ZNF154: variants seen among roughly 807,000 people sequenced by gnomAD.
The protein encoded by ZNF154 is zinc finger protein 154 (pHZ-92).
In ZNF154, 6 loss-of-function variants were observed where a neutral mutation model predicts 7.5. That is an observed-to-expected ratio of 0.80 (90% CI 0.44 to 1.57). The LOEUF (loss-of-function observed/expected upper bound fraction) is 1.57, where lower values mean the gene tolerates loss of function less well. ZNF154 is among the 40% of genes most tolerant of loss of function. ZNF154 has a pLI of 0.01. For synonymous variants in ZNF154, 187 were observed against 185.9 expected (o/e 1.01, Z -0.05); for missense variants, 485 against 531.4 (o/e 0.91, Z 0.86).
intron 2 of ZNF154, among the ~76,000 whole-genome samples, chr19:57,704,190 G>C (rs571271934): frequency 1.3e-5 from 2 of 152,306 alleles, no homozygotes; most frequent in African/African-American, 4.8e-5. Flanking sequence ...TCAGCAAAAT[G>C]TCAAGAATGG....
intron 1 of ZNF154, among the ~76,000 whole-genome samples, 166 bp from the exon 2 acceptor site, chr19:57,705,145 G>A (rs537143621): frequency 2.0e-5 from 3 of 152,286 alleles, no homozygotes; most frequent in East Asian, 1.9e-4. Flanking sequence ...GCCTGGCATG[G>A]AAGGATCCAT....
Position 57,699,558 on chromosome 19 carries a change from G to A in ZNF154, c.*2077C>T. 1 of 258,918 alleles carries A rather than the reference G, an allele frequency of 3.9e-6. No individual in the cohort carries two copies. The highest frequency in any genetic ancestry group is 4.0e-5 in the South Asian group (1 of 24,730). 16.0% of individuals were successfully genotyped at this position (258,918 alleles called of 1,614,324 possible). A position where few individuals can be genotyped will look rare whatever the true frequency, so the allele number is the denominator to read the frequency against. Reference sequence around the variant, plus strand: ...AAGTAGTGGCCAGCCACTGGAAGTTGACAATGACCAATTGAGAGCAATATT... The same window carrying A: ...AAGTAGTGGCCAGCCACTGGAAGTTAACAATGACCAATTGAGAGCAATATT... On this transcript the variant is annotated 3_prime_UTR_variant, in exon 3 of 3. Transcript: ENST00000684351.
chr19:57,705,390 C>G (rs1044788877), intron 1 of ZNF154, among the ~76,000 whole-genome samples: 1 of 152,150 alleles, frequency 6.6e-6, no homozygotes, highest in Non-Finnish European at 1.5e-5. Context: ...TCCTCTTTAC[C>G]CCATTAGCGA....
chr19:57,705,571 T>C (rs1022044332), intron 1 of ZNF154, among the ~76,000 whole-genome samples: 14 of 152,116 alleles, frequency 9.2e-5, no homozygotes, highest in Admixed American at 9.2e-4. Flanking sequence ...CTGACCAATA[T>C]GGCGAAACCC....
At chr19:57,704,122 A>G (rs1461904113) in intron 2 of ZNF154, among the ~76,000 whole-genome samples, 1 of 152,238 alleles carries the variant, frequency 6.6e-6, no homozygotes, top group East Asian at 1.9e-4. Flanking sequence ...CAGAGATGTG[A>G]GGATTAGCCC....
intron 2 of ZNF154, among the ~76,000 whole-genome samples, chr19:57,704,258 A>G (rs947471993): frequency 6.6e-6 from 1 of 152,166 alleles, no homozygotes; most frequent in Non-Finnish European, 1.5e-5. Flanking sequence ...ATGCTCGCCA[A>G]ACAGAACAGG....
In ZNF154 at chr19:57,705,112, A is replaced by G. The variant is rs1985334285; in HGVS notation, c.34-133T>C. The G allele has an allele frequency of 3.2e-6, 4 of 1,252,926 alleles. No homozygotes were observed. The Admixed American group carries it at 1.0e-4, about 32-fold the overall frequency. The allele number at this position is 1,252,926 out of a possible 1,614,324, so 77.6% of individuals were successfully genotyped here. On this transcript the variant is annotated intron_variant, in intron 1 of 2. Transcript: ENST00000684351. ...ACTGAGAGGAGAAACCAGCACATGGATAAATAGGCATCTAAGCTGGGGGCC... is the reference window on the plus strand; with the variant it reads ...ACTGAGAGGAGAAACCAGCACATGGGTAAATAGGCATCTAAGCTGGGGGCC...
In ZNF154 at chr19:57,696,694, A is replaced by C. The variant is rs1984908265; in HGVS notation, c.*4941T>G. Among the ~76,000 whole-genome samples, 1 of 152,166 alleles carries C rather than the reference A, an allele frequency of 6.6e-6. No individual in the cohort carries two copies. Among genetic ancestry groups the C allele is most frequent in the Non-Finnish European group, 1.5e-5 (1 of 68,022 alleles). ...GGTGCAGCCTCCAAGTAGGGAATGG[A>C]CAGTTTCAGTGTTGAGGCAGAGTGG... On this transcript the variant is annotated 3_prime_UTR_variant, in exon 3 of 3. Transcript: ENST00000684351.
intron 1 of ZNF154, among the ~76,000 whole-genome samples, chr19:57,707,270 T>C (rs903350987): frequency 2.1e-4 from 32 of 152,162 alleles, no homozygotes; most frequent in African/African-American, 7.2e-4. Flanking sequence ...TAATGCCTAC[T>C]TAATGTCTCT....
Position 57,699,367 on chromosome 19 carries a change from TG to T in ZNF154, c.*2267del. 4.6e-6 allele frequency: 1 copy of T among 215,054 alleles called. No individual in the cohort carries two copies. Among genetic ancestry groups the T allele is most frequent in the Non-Finnish European group, 1.0e-5 (1 of 100,156 alleles). 13.3% of individuals were successfully genotyped at this position (215,054 alleles called of 1,614,324 possible). A position where few individuals can be genotyped will look rare whatever the true frequency, so the allele number is the denominator to read the frequency against. On this transcript the variant is annotated 3_prime_UTR_variant, in exon 3 of 3. Transcript: ENST00000684351. ...TCCCAAAGTGCTGGGATTACAGGCG[TG>T]AGCCACCGCACCCGGCTGAGATTTT...
Position 57,702,271 on chromosome 19 carries a change from A to G in ZNF154, c.678T>C (p.Phe226=), listed in dbSNP as rs1262413343. 1 of 1,614,132 alleles carries G rather than the reference A, an allele frequency of 6.2e-7. No individual in the cohort carries two copies. Among genetic ancestry groups the G allele is most frequent in the Non-Finnish European group, 8.5e-7 (1 of 1,180,022 alleles). Residue 226 remains phenylalanine (F), a synonymous_variant, in exon 3 of 3, where the codon TTT becomes TTC. Coordinates refer to ENST00000684351, the MANE Select transcript of ZNF154 (RefSeq NM_001085384.3). ...PHECDECGKL[F]SNKSNLIKHR... ...GTTTAATGAGGTTAGACTTGTTGCT[A>G]AATAATTTTCCACATTCATCACATT...
In ZNF154 at chr19:57,700,969, C is replaced by A. The variant is rs1034117104; in HGVS notation, c.*666G>T. ...TATAGAACCCCCAAGATTAATAAGGCCTTTGTTATTGTACAAACCAAGGCA... is the reference window on the plus strand; with the variant it reads ...TATAGAACCCCCAAGATTAATAAGGACTTTGTTATTGTACAAACCAAGGCA... On this transcript the variant is annotated 3_prime_UTR_variant, in exon 3 of 3. Coordinates refer to ENST00000684351, the MANE Select transcript of ZNF154 (RefSeq NM_001085384.3). The A allele has an allele frequency of 6.6e-6, 1 of 152,392 alleles. No individual in the cohort carries two copies. The highest frequency in any genetic ancestry group is 1.5e-5 in the Non-Finnish European group (1 of 68,260). The allele number at this position is 152,392 out of a possible 1,614,324, so 9.4% of individuals were successfully genotyped here.
rs773256049 is a variant in ZNF154, at chr19:57,698,465, A to G, written c.*3170T>C. The G allele has an allele frequency of 2.6e-5, 4 of 152,098 alleles. No individual in the cohort carries two copies. The highest frequency in any genetic ancestry group is 2.1e-4 in the South Asian group (1 of 4,824). The allele number at this position is 152,098 out of a possible 1,614,324, so 9.4% of individuals were successfully genotyped here. A position where few individuals can be genotyped will look rare whatever the true frequency, so the allele number is the denominator to read the frequency against. On this transcript the variant is annotated 3_prime_UTR_variant, in exon 3 of 3. Transcript: ENST00000684351. ...AGAATATATTAGGATGCTATCAGCAACTCTTCCCAATTCTACATTCAGTAA... is the reference window on the plus strand; with the variant it reads ...AGAATATATTAGGATGCTATCAGCAGCTCTTCCCAATTCTACATTCAGTAA...
chr19:57,696,288 G>A lies in ZNF154; in HGVS notation c.*5347C>T, dbSNP rs1275784473. 6.6e-6 allele frequency among the ~76,000 whole-genome samples: 1 copy of A among 152,102 alleles called. No individual in the cohort carries two copies. Among genetic ancestry groups the A allele is most frequent in the Non-Finnish European group, 1.5e-5 (1 of 68,024 alleles). On this transcript the variant is annotated 3_prime_UTR_variant, in exon 3 of 3. Coordinates refer to ENST00000684351, the MANE Select transcript of ZNF154 (RefSeq NM_001085384.3). ...ATTCCATCCAAGTAGAAGCTGTGGG[G>A]TCAGGGGGTTCTAAGAAGCCCCATT...
intron 1 of ZNF154, among the ~76,000 whole-genome samples, chr19:57,705,835 C>A (rs926060409): frequency 2.0e-5 from 3 of 151,548 alleles, no homozygotes; most frequent in African/African-American, 7.3e-5. Context: ...ACAACATGTA[C>A]CACACAGGGT....
chr19:57,709,056 C>G lies in ZNF154; in HGVS notation c.-85G>C. 6.5e-7 allele frequency: 1 copy of G among 1,533,712 alleles called. No homozygotes were observed. Among genetic ancestry groups the G allele is most frequent in the East Asian group, 2.5e-5 (1 of 40,570 alleles). ...ACAGCGGTCCCTATCCCAGGCCTGACGTGGGTCCCCCAGGGCGGCGTCGCC... is the reference window on the plus strand; with the variant it reads ...ACAGCGGTCCCTATCCCAGGCCTGAGGTGGGTCCCCCAGGGCGGCGTCGCC... On this transcript the variant is annotated 5_prime_UTR_variant, in exon 1 of 3. Coordinates refer to ENST00000684351, the MANE Select transcript of ZNF154 (RefSeq NM_001085384.3).
intron 1 of ZNF154, 75 bp downstream of exon 1, chr19:57,708,864 G>A: frequency 6.5e-7 from 1 of 1,531,136 alleles, no homozygotes; most frequent in Non-Finnish European, 8.9e-7. Context: ...GGGGACTCGA[G>A]CAGGCGCCCC....
Position 57,704,947 on chromosome 19 carries a change from G to T in ZNF154, c.66C>A (p.His22Gln). The change falls in exon 2 of 3, where the codon CAC (histidine) becomes CAA (glutamine). Residue 22 changes from histidine to glutamine, a missense_variant. By Grantham distance (24) the His-to-Gln change is conservative. Coordinates refer to ENST00000684351, the MANE Select transcript of ZNF154 (RefSeq NM_001085384.3). ...GTVTFEDVAVHFSWEEWGLLD... is the reference protein window; with the variant it reads ...GTVTFEDVAVQFSWEEWGLLD... ...GGAGACCCCATTCCTCCCAGGAGAA[G>T]TGTACGGCCACATCTTCAAAGGTCA... 1 of 1,613,682 alleles carries T rather than the reference G, an allele frequency of 6.2e-7. No individual in the cohort carries two copies. The highest frequency in any genetic ancestry group is 8.5e-7 in the Non-Finnish European group (1 of 1,179,852).
At chr19:57,708,004 C>A (rs1985460445) in intron 1 of ZNF154, among the ~76,000 whole-genome samples, 1 of 152,152 alleles carries the variant, frequency 6.6e-6, no homozygotes, top group African/African-American at 2.4e-5. Flanking sequence ...CGAACACTCT[C>A]CACTTCCCTA....
Sources: allele counts gnomAD v4.1 joint callset (sites outside exome capture counted in the v4.1 genomes callset), GRCh38; gene constraint gnomAD v4.1.1; transcripts MANE v1.5; gene names NCBI Gene and HGNC (gene_info 2026-07-23, HGNC 2026-07-21).